GNB1L: variants seen among roughly 807,000 people sequenced by gnomAD.
GNB1L encodes G protein subunit beta 1 like.
GNB1L carries 20 observed loss-of-function variants against 29.1 expected under a neutral mutation model. The observed-to-expected ratio is 0.69, with a 90% CI of 0.48 to 1.00. The LOEUF is 1.00. GNB1L is among the 50% of genes least tolerant of loss of function. The pLI is 0.00. For missense variants in GNB1L, 421 were observed against 464.9 expected, an observed-to-expected ratio of 0.91 and a Z score of 0.87; for synonymous variants, 193 against 206.5, an observed-to-expected ratio of 0.93 and a Z score of 0.56.
intron 5 of GNB1L, among the ~76,000 whole-genome samples, chr22:19,810,162 C>T (rs1937482269): frequency 6.6e-6 from 1 of 152,150 alleles, no homozygotes; most frequent in African/African-American, 2.4e-5. Flanking sequence ...GGACTTAAGC[C>T]AGGGGCAGGA....
At chr22:19,851,672 G>A (rs1938103556) in intron 2 of GNB1L, 2 of 1,596,020 alleles carry the variant, frequency 1.3e-6, no homozygotes, top group Non-Finnish European at 1.7e-6. Context: ...GGAGGCCAGG[G>A]GCAGGGGACA....
In GNB1L at chr22:19,848,286, G is replaced by A. The variant is rs781578137; in HGVS notation, c.-21+6157C>T. On this transcript the variant is annotated intron_variant, in intron 2 of 7. Coordinates refer to ENST00000329517, the MANE Select transcript of GNB1L (RefSeq NM_053004.3). ...GAAAGCAGAGCCAGCACCATGGCCCGTCCCTGAGCATGTCCAGCAAACCCT... is the reference window on the plus strand; with the variant it reads ...GAAAGCAGAGCCAGCACCATGGCCCATCCCTGAGCATGTCCAGCAAACCCT... The A allele has an allele frequency of 1.1e-4, 107 of 985,292 alleles. No homozygotes were observed. In the Admixed American group the frequency reaches 1.6e-3, roughly 15 times the overall value. The allele number at this position is 985,292 out of a possible 1,614,324, so 61.0% of individuals were successfully genotyped here.
At chr22:19,799,985 T>G (rs1382169998) in intron 7 of GNB1L, among the ~76,000 whole-genome samples, 1 of 152,180 alleles carries the variant, frequency 6.6e-6, no homozygotes, top group East Asian at 1.9e-4. Context: ...TCCTGGCCCA[T>G]GCAACACAGG....
At chr22:19,846,621 C>A (rs1937967789) in intron 2 of GNB1L, 1 of 895,336 alleles carries the variant, frequency 1.1e-6, no homozygotes, top group Non-Finnish European at 1.3e-6. Flanking sequence ...CAAGTCCTAA[C>A]CCCTAGTACT....
In GNB1L at chr22:19,793,716, A is replaced by C. The variant is rs1368962523; in HGVS notation, c.733-4756T>G. 2.0e-5 allele frequency among the ~76,000 whole-genome samples: 3 copies of C among 152,214 alleles called. No homozygotes were observed. The East Asian group carries it at 5.8e-4, about 29-fold the overall frequency. On this transcript the variant is annotated intron_variant, in intron 7 of 7. Coordinates refer to ENST00000329517, the MANE Select transcript of GNB1L (RefSeq NM_053004.3). ...TGCATGGGAATGATAGGATATCATG[A>C]GTTCTCATCAGAAACAATGTAACAA...
At position 19,851,770 on chromosome 22, in the gene GNB1L, C is replaced by G. The variant is rs201855818; in HGVS notation, c.-21+2673G>C. ...GGCAGAAGAGCTCGTAATCGTCAGG[C>G]AGGGGCAGGTCCCCATCAAGGTAGG... On this transcript the variant is annotated intron_variant, in intron 2 of 7. Transcript: ENST00000329517. 22 of 1,612,728 alleles carry G rather than the reference C, an allele frequency of 1.4e-5. No individual in the cohort carries two copies. The Admixed American group carries it at 3.2e-4, about 23-fold the overall frequency.
At chr22:19,845,027 C>G (rs934341251) in intron 2 of GNB1L, among the ~76,000 whole-genome samples, 1 of 152,162 alleles carries the variant, frequency 6.6e-6, no homozygotes, top group Non-Finnish European at 1.5e-5. Flanking sequence ...GAAACTTGGT[C>G]GGAGCTGGAG....
chr22:19,814,547 C>T (rs1485094784), intron 4 of GNB1L, among the ~76,000 whole-genome samples: 4 of 152,218 alleles, frequency 2.6e-5, no homozygotes, highest in African/African-American at 9.7e-5. Context: ...GTCAGGCAGA[C>T]ACTTCCTGCC....
intron 2 of GNB1L, chr22:19,846,938 G>A: frequency 4.1e-6 from 4 of 985,438 alleles, no homozygotes; most frequent in Non-Finnish European, 4.8e-6. Flanking sequence ...CCCTGGGATG[G>A]ATGCAGGCCC....
chr22:19,843,311 C>G (rs1184508909), intron 2 of GNB1L, among the ~76,000 whole-genome samples: 1 of 152,276 alleles, frequency 6.6e-6, no homozygotes, highest in African/African-American at 2.4e-5. Context: ...TCATTGAATC[C>G]TCTGTCAGTA....
chr22:19,854,823 C>G lies in GNB1L; in HGVS notation c.-121G>C, dbSNP rs1601362276. ...GGGCTCCCGCCTCCACACTGACCCT[C>G]TTGCCGGAGTCGGGAACGCCTGCTC... On this transcript the variant is annotated 5_prime_UTR_variant, in exon 1 of 8. Coordinates refer to ENST00000329517, the MANE Select transcript of GNB1L (RefSeq NM_053004.3). 6.6e-6 allele frequency: 1 copy of G among 152,304 alleles called. No homozygotes were observed. Among genetic ancestry groups the G allele is most frequent in the Non-Finnish European group, 1.5e-5 (1 of 68,098 alleles). 9.4% of individuals were successfully genotyped at this position (152,304 alleles called of 1,614,324 possible). A position where few individuals can be genotyped will look rare whatever the true frequency, so the allele number is the denominator to read the frequency against.
intron 4 of GNB1L, among the ~76,000 whole-genome samples, chr22:19,819,385 C>A (rs573699273): frequency 1.3e-5 from 2 of 152,330 alleles, no homozygotes; most frequent in East Asian, 3.9e-4. Flanking sequence ...GGGACCTGGG[C>A]CCATGGGATA....
rs528107647 is a variant in GNB1L at position 19,801,580 on chromosome 22, G to A, written c.732+421C>T. Among the ~76,000 whole-genome samples the A allele has an allele frequency of 3.3e-5, 5 of 151,976 alleles. No homozygotes were observed. The East Asian group carries it at 5.8e-4, about 18-fold the overall frequency. ...TTCCTGCTGGGCTTTCCTGCTGCCC[G>A]TGAGCAATGGCCTCCCTCGGGCCAG... On this transcript the variant is annotated intron_variant, in intron 7 of 7. Transcript: ENST00000329517.
At chr22:19,792,682 C>T in intron 7 of GNB1L, 1 of 1,457,012 alleles carries the variant, frequency 6.9e-7, no homozygotes, top group Non-Finnish European at 9.5e-7. Flanking sequence ...GACGTCCCCA[C>T]CAAGAGACCA....
intron 7 of GNB1L, among the ~76,000 whole-genome samples, chr22:19,801,500 A>G (rs1022753806): frequency 2.6e-5 from 4 of 152,178 alleles, no homozygotes; most frequent in East Asian, 3.9e-4. Flanking sequence ...AGAGCCCAGG[A>G]GACACCATGG....
chr22:19,852,049 A>G (rs1351363608), intron 2 of GNB1L: 1 of 1,614,174 alleles, frequency 6.2e-7, no homozygotes, highest in Admixed American at 1.7e-5. Flanking sequence ...TACCGCCACA[A>G]GTGCCACTAG....
intron 2 of GNB1L, among the ~76,000 whole-genome samples, chr22:19,829,324 A>G (rs1169170625): frequency 1.3e-5 from 2 of 152,250 alleles, no homozygotes; most frequent in Non-Finnish European, 2.9e-5. Flanking sequence ...TTGGGTCACA[A>G]AGAAATATCA....
At chr22:19,837,696 A>G (rs1457510926) in intron 2 of GNB1L, among the ~76,000 whole-genome samples, 1 of 152,244 alleles carries the variant, frequency 6.6e-6, no homozygotes, top group Non-Finnish European at 1.5e-5. Context: ...TTTAAAAACC[A>G]GTCACATACT....
intron 6 of GNB1L, among the ~76,000 whole-genome samples, chr22:19,804,340 A>C (rs1206842417): frequency 1.3e-5 from 2 of 152,198 alleles, no homozygotes; most frequent in African/African-American, 4.8e-5. Context: ...CCAGAGGGAC[A>C]CAGCAGGTCA....
Sources: gnomAD v4.1 joint callset for allele counts (sites outside exome capture counted in the v4.1 genomes callset) on GRCh38, gnomAD v4.1.1 for gene constraint, MANE v1.5 for transcripts, NCBI Gene and HGNC (gene_info 2026-07-23, HGNC 2026-07-21) for gene names.